ANO10: variants seen among roughly 807,000 people sequenced by gnomAD.
ANO10 encodes the protein anoctamin-10.
Under a neutral mutation model 74.7 loss-of-function variants are expected in ANO10, and 77 were observed. The ratio of observed to expected loss-of-function variants is 1.03; its 90% CI spans 0.86 to 1.25. The LOEUF (loss-of-function observed/expected upper bound fraction) is 1.25, where lower values mean the gene tolerates loss of function less well. Among genes scored for constraint, ANO10 ranks in the 50% most tolerant of loss-of-function variants. ANO10 has a pLI of 0.00. For missense variants in ANO10, 721 were observed against 778.1 expected (o/e 0.93, Z 0.87); for synonymous variants, 279 against 284.9 (o/e 0.98, Z 0.21).
intron 5 of ANO10, 61 bp downstream of exon 5, chr3:43,580,292 A>G (rs2081204029): frequency 6.2e-7 from 1 of 1,608,544 alleles, no homozygotes; most frequent in African/African-American, 1.3e-5. Context: ...CTCCACTGCT[A>G]GATCGTAACT....
chr3:43,485,359 G>A (rs1275579841), intron 11 of ANO10: 5 of 474,390 alleles, frequency 1.1e-5, no homozygotes, highest in African/African-American at 2.0e-5. Context: ...CCAGGGAGGC[G>A]CCCATTGCCG....
intron 11 of ANO10, among the ~76,000 whole-genome samples, chr3:43,548,007 T>C (rs1250974387): frequency 2.0e-5 from 3 of 152,232 alleles, no homozygotes; most frequent in African/African-American, 7.2e-5. Flanking sequence ...GTTTTCTGCG[T>C]ATTTCAGGAT....
Position 43,503,929 on chromosome 3 carries a change from T to A in ANO10, c.1797+45791A>T, listed in dbSNP as rs374877158. On this transcript the variant is annotated intron_variant, in intron 11 of 12. Coordinates refer to ENST00000292246, the MANE Select transcript of ANO10 (RefSeq NM_018075.5). ...ATCTGAATAAGGCTGCCATTTGCAC[T>A]GAAGCTTTCAGTCTTGTTATATAAC... 1.2e-3 allele frequency among the ~76,000 whole-genome samples: 181 copies of A among 152,312 alleles called. 1 individual carries two copies. Among genetic ancestry groups the A allele is most frequent in the African/African-American group, 4.3e-3 (179 of 41,578 alleles).
chr3:43,639,140 G>C (rs2083644941), intron 1 of ANO10: 1 of 152,270 alleles, frequency 6.6e-6, no homozygotes, highest in East Asian at 1.9e-4. Context: ...GTAATACCTG[G>C]GAATCACCTA....
intron 6 of ANO10, among the ~76,000 whole-genome samples, chr3:43,575,794 C>A (rs950984079): frequency 6.6e-6 from 1 of 152,088 alleles, no homozygotes; most frequent in Non-Finnish European, 1.5e-5. Flanking sequence ...TGTGCCACCA[C>A]GCCCAGCTAA....
intron 5 of ANO10, 150 bp from the exon 6 acceptor site, chr3:43,577,411 C>T (rs752888909): frequency 1.2e-6 from 1 of 810,268 alleles, no homozygotes; most frequent in Non-Finnish European, 2.0e-6. Context: ...ACCCTCCATG[C>T]AGTATAAAGA....
intron 12 of ANO10, among the ~76,000 whole-genome samples, chr3:43,384,896 C>G (rs1347334591): frequency 6.6e-6 from 1 of 152,038 alleles, no homozygotes; most frequent in Admixed American, 6.5e-5. Flanking sequence ...AAAGCAAATG[C>G]AACAAAAATA....
rs569653110 is a variant in ANO10 at position 43,453,341 on chromosome 3, G to A, written c.1798-20614C>T. 3.7e-4 allele frequency among the ~76,000 whole-genome samples: 57 copies of A among 152,100 alleles called. No individual in the cohort carries two copies. In the South Asian group the frequency reaches 5.6e-3, roughly 15 times the overall value. The stretch of plus-strand genomic sequence containing the variant: ...ACTACAGGCACCCGCCACTGTGCCC[G>A]GCTAATTTTCCGTATTTTTAGTACA... On this transcript the variant is annotated intron_variant, in intron 11 of 12. Transcript: ENST00000292246.
At position 43,490,919 on chromosome 3, in the gene ANO10, G is replaced by C. The variant is rs148576853; in HGVS notation, c.1798-58192C>G. On this transcript the variant is annotated intron_variant, in intron 11 of 12. Coordinates refer to ENST00000292246, the MANE Select transcript of ANO10 (RefSeq NM_018075.5). ...GCCAGGGAAAGGCAGTCTCCTAATA[G>C]ATAGAGAACACCTGAAACTGGTGAG... Among the ~76,000 whole-genome samples, 3 of 152,306 alleles carry C rather than the reference G, an allele frequency of 2.0e-5. No individual in the cohort carries two copies. In the East Asian group the frequency reaches 5.8e-4, roughly 29 times the overall value.
chr3:43,598,987 T>C lies in ANO10; in HGVS notation c.338-321A>G, dbSNP rs114432602. 4.7e-3 allele frequency among the ~76,000 whole-genome samples: 717 copies of C among 152,338 alleles called. 5 individuals carry two copies. Among genetic ancestry groups the C allele is most frequent in the African/African-American group, 0.017 (689 of 41,578 alleles). The stretch of plus-strand genomic sequence containing the variant: ...TATGTTCTTTTATTCTAATAATGCA[T>C]TAAACTTATTAACGTATTATTATGT... On this transcript the variant is annotated intron_variant, in intron 3 of 12. Transcript: ENST00000292246.
chr3:43,626,566 G>C (rs777954495), upstream of ANO10, among the ~76,000 whole-genome samples: 1 of 152,076 alleles, frequency 6.6e-6, no homozygotes. Flanking sequence ...CTCCCAAAGT[G>C]CTGGGATTAC....
rs114561351 is a variant in ANO10, at chr3:43,366,538, G to A, written c.*368C>T. 2.0e-3 allele frequency: 758 copies of A among 386,632 alleles called. 6 individuals carry two copies. The highest frequency in any genetic ancestry group is 0.015 in the African/African-American group (716 of 48,240). The allele number at this position is 386,632 out of a possible 1,614,324, so 24.0% of individuals were successfully genotyped here. A position where few individuals can be genotyped will look rare whatever the true frequency, so the allele number is the denominator to read the frequency against. Reference sequence around the variant, plus strand: ...TCCCCAACCTGTCCACGGGTCCCTGGGCCATGGTGGGGTTGGGAGTGACAC... The same window carrying A: ...TCCCCAACCTGTCCACGGGTCCCTGAGCCATGGTGGGGTTGGGAGTGACAC... On this transcript the variant is annotated 3_prime_UTR_variant, in exon 13 of 13. Transcript: ENST00000292246.
At chr3:43,401,615 T>C (rs1393629189) in intron 12 of ANO10, among the ~76,000 whole-genome samples, 1 of 152,236 alleles carries the variant, frequency 6.6e-6, no homozygotes, top group Non-Finnish European at 1.5e-5. Context: ...TATCCCAAAG[T>C]ATTTTCAAGT....
chr3:43,615,866 G>A (rs543908335), intron 1 of ANO10, among the ~76,000 whole-genome samples: 3 of 152,158 alleles, frequency 2.0e-5, no homozygotes, highest in East Asian at 3.9e-4. Context: ...TGTTAGCCAG[G>A]ATGGTCTCGA....
chr3:43,691,307 A>T, intron 1 of ANO10: 1 of 312,738 alleles, frequency 3.2e-6, no homozygotes, highest in Non-Finnish European at 5.8e-6. Context: ...CCCCGCGCGG[A>T]GGGTCCGCCC....
intron 1 of ANO10, among the ~76,000 whole-genome samples, chr3:43,672,008 T>A (rs920787783): frequency 3.9e-5 from 6 of 152,024 alleles, no homozygotes; most frequent in Admixed American, 6.5e-5. Context: ...CAGAGGAGGG[T>A]TTATTGTGCA....
At chr3:43,554,284 C>T (rs2079629061) in intron 10 of ANO10, among the ~76,000 whole-genome samples, 1 of 150,938 alleles carries the variant, frequency 6.6e-6, no homozygotes, top group South Asian at 2.1e-4. Flanking sequence ...ATCTCTGCCT[C>T]TCGGCTTCAA....
chr3:43,685,104 GTTTAT>G (rs1264326470), intron 1 of ANO10, among the ~76,000 whole-genome samples: 3 of 152,048 alleles, frequency 2.0e-5, no homozygotes, highest in South Asian at 2.1e-4. Flanking sequence ...AATAAAGATT[GTTTAT>G]TTTATCTAAG....
At chr3:43,383,314 C>T (rs1046109135) in intron 12 of ANO10, among the ~76,000 whole-genome samples, 4 of 151,862 alleles carry the variant, frequency 2.6e-5, no homozygotes, top group Admixed American at 6.6e-5. Context: ...ATTAGCTGGG[C>T]ATGGTGGCAG....
Sources: allele counts gnomAD v4.1 joint callset (sites outside exome capture counted in the v4.1 genomes callset), GRCh38; gene constraint gnomAD v4.1.1; transcripts MANE v1.5; gene names NCBI Gene and HGNC (gene_info 2026-07-23, HGNC 2026-07-21).